PDE1A: variants seen among roughly 807,000 people sequenced by gnomAD.
PDE1A encodes the protein phosphodiesterase 1A, also known as dual specificity calcium/calmodulin-dependent 3',5'-cyclic nucleotide phosphodiesterase 1A.
A neutral mutation model predicts 61.7 loss-of-function variants in PDE1A; 35 were observed. The observed-to-expected ratio is 0.57, with a 90% CI of 0.43 to 0.75. PDE1A has a LOEUF of 0.75. Ranked by LOEUF, PDE1A falls within the 30% of genes least tolerant of loss-of-function variation. The pLI, the probability that PDE1A is intolerant of heterozygous loss-of-function variation, is 0.00. For missense variants in PDE1A, 597 were observed against 630.6 expected (o/e 0.95, Z 0.57); for synonymous variants, 232 against 213.2 (o/e 1.09, Z -0.77).
chr2:182,198,553 G>A (rs368992325), intron 10 of PDE1A, among the ~76,000 whole-genome samples: 6 of 151,742 alleles, frequency 4.0e-5, no homozygotes, highest in East Asian at 1.9e-4. Context: ...AATGTCTGTC[G>A]AATATTGTCA....
chr2:182,172,733 C>CCT (rs1692347464), intron 13 of PDE1A, among the ~76,000 whole-genome samples: 2 of 151,984 alleles, frequency 1.3e-5, no homozygotes, highest in Non-Finnish European at 2.9e-5. Context: ...GAGAAGATGG[C>CCT]ATTTTAATTG....
the PDE1A span, among the ~76,000 whole-genome samples, chr2:182,674,561 C>A: frequency 9.7e-6 from 1 of 103,242 alleles, no homozygotes; most frequent in Non-Finnish European, 1.9e-5. Flanking sequence ...ATTTATTAAT[C>A]CCATTCACAG....
chr2:182,364,592 T>C (rs1443139090), intron 1 of PDE1A, among the ~76,000 whole-genome samples: 1 of 146,168 alleles, frequency 6.8e-6, no homozygotes, highest in African/African-American at 2.5e-5. Context: ...CATTAAAATA[T>C]ACCCAACTTT....
intron 7 of PDE1A, among the ~76,000 whole-genome samples, chr2:182,209,424 T>G (rs969876442): frequency 3.3e-5 from 5 of 151,736 alleles, no homozygotes; most frequent in African/African-American, 9.7e-5. Flanking sequence ...AACATGAGAT[T>G]TGGATGAGAG....
At chr2:182,540,002 G>C in the PDE1A span, among the ~76,000 whole-genome samples, 69 of 152,202 alleles carry the variant, frequency 4.5e-4, no homozygotes, top group Non-Finnish European at 9.3e-4. Flanking sequence ...AATAACTCTT[G>C]GAGAAATAAG....
At chr2:182,553,605 T>A in the PDE1A span, among the ~76,000 whole-genome samples, 1 of 152,208 alleles carries the variant, frequency 6.6e-6, no homozygotes, top group Non-Finnish European at 1.5e-5. Flanking sequence ...TGTGGAGATA[T>A]GATTACAGTT....
chr2:182,339,239 A>T (rs775254971), intron 1 of PDE1A, among the ~76,000 whole-genome samples: 2 of 152,160 alleles, frequency 1.3e-5, no homozygotes, highest in Admixed American at 1.3e-4. Flanking sequence ...AAGACTTTCA[A>T]TGAAATTTGT....
At chr2:182,697,831 C>T in the PDE1A span, among the ~76,000 whole-genome samples, 1 of 152,200 alleles carries the variant, frequency 6.6e-6, no homozygotes, top group Admixed American at 6.5e-5. Context: ...CTGTATGACT[C>T]CATTCTCTGC....
chr2:182,402,250 C>A (rs78299766), intron 1 of PDE1A, among the ~76,000 whole-genome samples: 1 of 152,130 alleles, frequency 6.6e-6, no homozygotes, highest in Admixed American at 6.5e-5. Flanking sequence ...AAGCTGGAGG[C>A]ATTATGCTAC....
chr2:182,145,470 G>A (rs1690445933), downstream of PDE1A, among the ~76,000 whole-genome samples: 1 of 152,214 alleles, frequency 6.6e-6, no homozygotes, highest in Non-Finnish European at 1.5e-5. Context: ...GCTCACGCCT[G>A]TAATCCTAAC....
chr2:182,195,871 G>T (rs572984249), intron 10 of PDE1A, among the ~76,000 whole-genome samples: 17 of 152,200 alleles, frequency 1.1e-4, no homozygotes, highest in African/African-American at 4.1e-4. Context: ...CTGCAGTCCT[G>T]CTAATTTCTA....
At chr2:182,658,068 AAAAAC>A in the PDE1A span, among the ~76,000 whole-genome samples, 50 of 109,778 alleles carry the variant, frequency 4.6e-4, 1 homozygote, top group African/African-American at 1.6e-3. Flanking sequence ...AAAAAAAAAA[AAAAAC>A]AAAAAAACTT....
downstream of PDE1A, among the ~76,000 whole-genome samples, chr2:182,166,225 T>C (rs1348470803): frequency 6.6e-6 from 1 of 152,032 alleles, no homozygotes; most frequent in East Asian, 1.9e-4. Flanking sequence ...AGGTGACTGT[T>C]TCCAGAGAAG....
the PDE1A span, among the ~76,000 whole-genome samples, chr2:182,648,222 A>T: frequency 1.3e-5 from 2 of 152,158 alleles, no homozygotes. Flanking sequence ...AGATGTTTCT[A>T]TGGGCTTGTT....
chr2:182,623,035 A>G, the PDE1A span, among the ~76,000 whole-genome samples: 2 of 152,316 alleles, frequency 1.3e-5, no homozygotes, highest in East Asian at 1.9e-4. Flanking sequence ...ATTGAAATGC[A>G]GTGTTTTACT....
At chr2:182,184,950 T>G (rs1198486223) in intron 13 of PDE1A, among the ~76,000 whole-genome samples, 1 of 152,190 alleles carries the variant, frequency 6.6e-6, no homozygotes, top group Non-Finnish European at 1.5e-5. Context: ...AAAAATGTAT[T>G]GGAATTTTCA....
intron 1 of PDE1A, among the ~76,000 whole-genome samples, chr2:182,345,034 C>T (rs190085144): frequency 6.6e-6 from 1 of 152,086 alleles, no homozygotes; most frequent in Admixed American, 6.6e-5. Flanking sequence ...ACCAGGATAC[C>T]CTGGCTTGTT....
the PDE1A span, among the ~76,000 whole-genome samples, chr2:182,696,156 A>G: frequency 6.6e-6 from 1 of 152,226 alleles, no homozygotes; most frequent in Non-Finnish European, 1.5e-5. Context: ...ACAAAAACCT[A>G]CACACGGATA....
chr2:182,625,656 G>A, the PDE1A span, among the ~76,000 whole-genome samples: 6 of 152,230 alleles, frequency 3.9e-5, no homozygotes, highest in South Asian at 1.0e-3. Context: ...GGTTTCATGT[G>A]GGAATAGACT....
Sources: allele counts gnomAD v4.1 joint callset (sites outside exome capture counted in the v4.1 genomes callset), GRCh38; gene constraint gnomAD v4.1.1; transcripts MANE v1.5; gene names NCBI Gene and HGNC (gene_info 2026-07-23, HGNC 2026-07-21).